The following TNIP3 variants were observed in gnomAD, a reference collection of about 807,000 sequenced individuals.
The protein encoded by TNIP3 is TNFAIP3 interacting protein 3.
In TNIP3, 34 loss-of-function variants were observed where a neutral mutation model predicts 54.1. The observed-to-expected ratio is 0.63, with a 90% CI of 0.48 to 0.84. The LOEUF (loss-of-function observed/expected upper bound fraction) is 0.84. Ranked by LOEUF, TNIP3 falls within the 40% of genes least tolerant of loss-of-function variation. TNIP3 has a pLI of 0.00. For missense variants in TNIP3, 366 were observed against 387.6 expected (o/e 0.94, Z 0.47); for synonymous variants, 134 against 136.8 (o/e 0.98, Z 0.14).
upstream of TNIP3, among the ~76,000 whole-genome samples, chr4:121,166,827 T>C (rs112148055): frequency 6.6e-6 from 1 of 152,202 alleles, no homozygotes; most frequent in African/African-American, 2.4e-5. Flanking sequence ...TCTATTTGCA[T>C]GAATTTTTAA....
chr4:121,225,729 A>C (rs1235520804), intron 1 of TNIP3, among the ~76,000 whole-genome samples: 1 of 152,130 alleles, frequency 6.6e-6, no homozygotes, highest in Non-Finnish European at 1.5e-5. Flanking sequence ...GTTGGCCAAA[A>C]ACTTAGTAAG....
At chr4:121,135,260 T>C (rs1405112057) in intron 10 of TNIP3, among the ~76,000 whole-genome samples, 1 of 152,242 alleles carries the variant, frequency 6.6e-6, no homozygotes, top group Non-Finnish European at 1.5e-5. Flanking sequence ...TTTACACAGA[T>C]AGGATGTAGC....
At chr4:121,218,565 G>A (rs937338501), upstream of TNIP3, among the ~76,000 whole-genome samples, 1 of 133,070 alleles carries the variant, frequency 7.5e-6, no homozygotes, top group African/African-American at 2.9e-5. Context: ...TTCCTTCCTT[G>A]CTTCCTTCCT....
chr4:121,218,669 C>G (rs1373316015), upstream of TNIP3, among the ~76,000 whole-genome samples: 4 of 151,698 alleles, frequency 2.6e-5, no homozygotes, highest in Non-Finnish European at 4.4e-5. Context: ...CGATGTCTCA[C>G]TATATTACCC....
chr4:121,189,414 G>A (rs1725186456), intron 2 of TNIP3, among the ~76,000 whole-genome samples: 1 of 152,196 alleles, frequency 6.6e-6, no homozygotes, highest in African/African-American at 2.4e-5. Context: ...GAATCTGGGT[G>A]ACCCAGAATG....
chr4:121,142,226 T>C (rs1372513530), intron 8 of TNIP3, among the ~76,000 whole-genome samples: 1 of 152,154 alleles, frequency 6.6e-6, no homozygotes, highest in East Asian at 1.9e-4. Context: ...AGAAAATCTA[T>C]TCATTGAGTC....
chr4:121,147,304 T>A, intron 6 of TNIP3, 130 bp from the exon 7 acceptor site: 1 of 1,136,102 alleles, frequency 8.8e-7, no homozygotes, highest in Non-Finnish European at 1.2e-6. Context: ...TCAGTGTCAC[T>A]GTTTTGGAGC....
chr4:121,197,503 G>A lies in TNIP3; in HGVS notation c.69-14707C>T, dbSNP rs57087658. ...GCCGAGATCAGGCCACTGCACTCCA[G>A]CCTGGGTGACAGAGCGAGACTCTGT... On this transcript the variant is annotated intron_variant, in intron 2 of 12. Coordinates refer to the TNIP3 transcript ENST00000507879. 4.0e-3 allele frequency among the ~76,000 whole-genome samples: 576 copies of A among 144,812 alleles called. 3 individuals are homozygous for A. Among genetic ancestry groups the A allele is most frequent in the African/African-American group, 0.015 (558 of 38,026 alleles).
chr4:121,202,828 C>T (rs920355302), intron 2 of TNIP3, among the ~76,000 whole-genome samples: 4 of 152,014 alleles, frequency 2.6e-5, no homozygotes, highest in African/African-American at 9.7e-5. Flanking sequence ...TGAAACAATG[C>T]TCAATTCACT....
intron 3 of TNIP3, among the ~76,000 whole-genome samples, chr4:121,174,315 G>A (rs1724174354): frequency 6.6e-6 from 1 of 152,058 alleles, no homozygotes; most frequent in South Asian, 2.1e-4. Context: ...TGAGACTGGG[G>A]AATCGTGTGA....
chr4:121,135,916 A>G (rs1728753892), intron 10 of TNIP3, among the ~76,000 whole-genome samples: 2 of 152,210 alleles, frequency 1.3e-5, no homozygotes, highest in Admixed American at 6.5e-5. Flanking sequence ...AAGCTATGAA[A>G]TACATCAACT....
At chr4:121,213,492 C>T (rs1035264330) in intron 2 of TNIP3, among the ~76,000 whole-genome samples, 4 of 151,822 alleles carry the variant, frequency 2.6e-5, no homozygotes, top group Admixed American at 6.6e-5. Context: ...TTTGGAAGTC[C>T]GAGGCGGGTG....
At chr4:121,212,249 T>C (rs1409359779) in intron 2 of TNIP3, among the ~76,000 whole-genome samples, 1 of 152,174 alleles carries the variant, frequency 6.6e-6, no homozygotes, top group Non-Finnish European at 1.5e-5. Flanking sequence ...ATGGGCGTTG[T>C]TTGCATGGAA....
intron 2 of TNIP3, among the ~76,000 whole-genome samples, chr4:121,201,127 T>G (rs1191384103): frequency 6.6e-6 from 1 of 152,042 alleles, no homozygotes; most frequent in Admixed American, 6.6e-5. Flanking sequence ...TTCTGATGAG[T>G]CTGGATGAGT....
upstream of TNIP3, among the ~76,000 whole-genome samples, chr4:121,218,565 GCTTCCTTCCTTTCTGCCTCCCTCC>G (rs1354981227): frequency 7.5e-6 from 1 of 133,070 alleles, no homozygotes; most frequent in Non-Finnish European, 1.6e-5. Flanking sequence ...TTCCTTCCTT[GCTTCCTTCCTTTCTGCCTCCCTCC>G]CTTCCTTCCT....
chr4:121,169,424 C>G (rs1169948620), intron 3 of TNIP3, among the ~76,000 whole-genome samples: 2 of 152,194 alleles, frequency 1.3e-5, no homozygotes, highest in Admixed American at 6.5e-5. Flanking sequence ...CCAGCACTTT[C>G]CATTCACCTT....
At chr4:121,143,854 C>G (rs541179746) in intron 7 of TNIP3, among the ~76,000 whole-genome samples, 152 of 152,286 alleles carry the variant, frequency 1.0e-3, no homozygotes, top group Non-Finnish European at 1.9e-3. Context: ...CTCTATAAGG[C>G]ACATCACATC....
At chr4:121,206,575 G>T (rs566257673) in intron 2 of TNIP3, among the ~76,000 whole-genome samples, 93 of 128,032 alleles carry the variant, frequency 7.3e-4, no homozygotes, top group Admixed American at 1.2e-3. Flanking sequence ...CTTTTTTGAG[G>T]TCTCCCTCTG....
Position 121,157,178 on chromosome 4 carries a change from CG to C in TNIP3, c.278del (p.Pro93ArgfsTer20). ...ERFLSTREKD[P>X]HQRQRKDDRQ... ...TGTCGTCCTTTCTCTGCCTCTGATG[CG>C]GATCCTTCTCCCGCGTGCTGAGGAA... is the stretch of plus-strand genomic sequence containing the variant. On this transcript the variant is annotated frameshift_variant, in exon 4 of 11. Transcript: ENST00000057513. LOFTEE classifies it high-confidence loss of function. The C allele has an allele frequency of 6.2e-7, 1 of 1,614,090 alleles. No homozygotes were observed. Among genetic ancestry groups the C allele is most frequent in the Non-Finnish European group, 8.5e-7 (1 of 1,180,014 alleles).
Sources: gnomAD v4.1 joint callset for allele counts (sites outside exome capture counted in the v4.1 genomes callset) on GRCh38, gnomAD v4.1.1 for gene constraint, MANE v1.5 for transcripts, NCBI Gene and HGNC (gene_info 2026-07-23, HGNC 2026-07-21) for gene names.